The following ADAMTSL3 variants were observed in gnomAD, a reference collection of about 807,000 sequenced individuals.
The protein encoded by ADAMTSL3 is ADAMTS-like protein 3.
Under a neutral mutation model 201.7 loss-of-function variants are expected in ADAMTSL3, and 128 were observed. That is an observed-to-expected ratio of 0.63 (90% CI 0.55 to 0.73). The LOEUF is 0.73. Ranked by LOEUF, ADAMTSL3 falls within the 30% of genes least tolerant of loss-of-function variation. ADAMTSL3 has a pLI of 0.00. For missense variants in ADAMTSL3, 1,990 were observed against 2,119.6 expected (o/e 0.94, Z 1.20); for synonymous variants, 738 against 748.4 (o/e 0.99, Z 0.23).
At chr15:83,993,282 C>A (rs1467297504) in intron 23 of ADAMTSL3, among the ~76,000 whole-genome samples, 1 of 152,152 alleles carries the variant, frequency 6.6e-6, no homozygotes, top group Non-Finnish European at 1.5e-5. Flanking sequence ...TATCTTTCTT[C>A]CCTCATCTCT....
chr15:83,884,015 C>A (rs1053104155), intron 9 of ADAMTSL3, among the ~76,000 whole-genome samples: 7 of 151,650 alleles, frequency 4.6e-5, no homozygotes, highest in Non-Finnish European at 8.8e-5. Flanking sequence ...GCCTCAGCCT[C>A]CTGAGTAGCT....
At chr15:84,009,795 G>A (rs1417819958) in intron 23 of ADAMTSL3, among the ~76,000 whole-genome samples, 1 of 152,214 alleles carries the variant, frequency 6.6e-6, no homozygotes, top group African/African-American at 2.4e-5. Flanking sequence ...CAGGGCCAAG[G>A]TACTTGCTGT....
intron 15 of ADAMTSL3, among the ~76,000 whole-genome samples, chr15:83,906,734 A>C (rs1381730958): frequency 6.6e-6 from 1 of 150,574 alleles, no homozygotes; most frequent in Admixed American, 6.7e-5. Flanking sequence ...TTTTCAGTTA[A>C]TTTTAGTACT....
chr15:83,881,743 T>C (rs1282103013), intron 9 of ADAMTSL3, among the ~76,000 whole-genome samples: 3 of 151,988 alleles, frequency 2.0e-5, no homozygotes, highest in Admixed American at 6.6e-5. Flanking sequence ...TAATCACAGC[T>C]ACTCAGGAGG....
intron 5 of ADAMTSL3, among the ~76,000 whole-genome samples, chr15:83,813,634 T>C (rs1266059029): frequency 6.6e-6 from 1 of 152,178 alleles, no homozygotes; most frequent in Non-Finnish European, 1.5e-5. Flanking sequence ...GTTCAGTGGC[T>C]CTCCTCAGGT....
intron 3 of ADAMTSL3, among the ~76,000 whole-genome samples, chr15:83,772,098 C>T (rs2062993506): frequency 6.6e-6 from 1 of 152,148 alleles, no homozygotes; most frequent in South Asian, 2.1e-4. Flanking sequence ...AGGAAATCTA[C>T]CCACCTTGGC....
chr15:84,006,243 A>G (rs2067892237), intron 23 of ADAMTSL3, among the ~76,000 whole-genome samples: 1 of 152,194 alleles, frequency 6.6e-6, no homozygotes, highest in African/African-American at 2.4e-5. Context: ...TAAATTGGCA[A>G]CATCATTTCT....
At chr15:83,960,633 G>C (rs112991573) in intron 19 of ADAMTSL3, among the ~76,000 whole-genome samples, 4 of 152,152 alleles carry the variant, frequency 2.6e-5, no homozygotes, top group Admixed American at 2.0e-4. Flanking sequence ...AAAGAAGGAG[G>C]GGGGAGGGGC....
chr15:83,952,842 C>T (rs1345860643), intron 19 of ADAMTSL3, among the ~76,000 whole-genome samples: 1 of 151,872 alleles, frequency 6.6e-6, no homozygotes. Context: ...TTGTTATATC[C>T]CCTTGCTGAA....
chr15:83,990,720 G>C (rs1460402867), intron 22 of ADAMTSL3, among the ~76,000 whole-genome samples: 1 of 151,920 alleles, frequency 6.6e-6, no homozygotes, highest in Non-Finnish European at 1.5e-5. Flanking sequence ...CATCATTCCT[G>C]CTCTGCCTGT....
chr15:83,760,423 A>T (rs1467913988), intron 3 of ADAMTSL3, among the ~76,000 whole-genome samples: 1 of 152,148 alleles, frequency 6.6e-6, no homozygotes, highest in African/African-American at 2.4e-5. Context: ...GATCATGATA[A>T]ATGTTTATAA....
At chr15:83,669,872 A>C (rs960602286) in intron 2 of ADAMTSL3, among the ~76,000 whole-genome samples, 5 of 151,900 alleles carry the variant, frequency 3.3e-5, no homozygotes, top group Non-Finnish European at 7.4e-5. Context: ...TACTCTCACA[A>C]CCCTCATAAA....
intron 7 of ADAMTSL3, among the ~76,000 whole-genome samples, chr15:83,841,790 C>T (rs531771972): frequency 6.6e-6 from 1 of 151,950 alleles, no homozygotes; most frequent in East Asian, 2.0e-4. Context: ...GTTGCATTTT[C>T]CAAGGCCACT....
chr15:83,670,943 C>G (rs1216984482), intron 2 of ADAMTSL3, among the ~76,000 whole-genome samples: 1 of 152,204 alleles, frequency 6.6e-6, no homozygotes. Flanking sequence ...CATATTCTTT[C>G]ACTCCTTTGA....
At chr15:84,027,688 C>T (rs377545891) in intron 27 of ADAMTSL3, among the ~76,000 whole-genome samples, 5 of 151,284 alleles carry the variant, frequency 3.3e-5, no homozygotes, top group Admixed American at 6.6e-5. Context: ...CCAGCCTGGG[C>T]GACAGAGCGA....
At chr15:83,741,033 A>G (rs1366157608) in intron 3 of ADAMTSL3, among the ~76,000 whole-genome samples, 1 of 152,070 alleles carries the variant, frequency 6.6e-6, no homozygotes, top group Non-Finnish European at 1.5e-5. Flanking sequence ...TGTATTTCCT[A>G]TGTAATATTA....
intron 2 of ADAMTSL3, among the ~76,000 whole-genome samples, chr15:83,704,004 A>AAG: frequency 1.9e-4 from 1 of 5,314 alleles, no homozygotes. Flanking sequence ...CTCCTTTGCC[A>AAG]AAAAAAAAAA....
intron 5 of ADAMTSL3, among the ~76,000 whole-genome samples, chr15:83,812,175 T>C (rs1366141679): frequency 1.3e-5 from 2 of 152,180 alleles, no homozygotes; most frequent in African/African-American, 4.8e-5. Context: ...CTTTATTAAT[T>C]GGGGGCTCAA....
intron 8 of ADAMTSL3, among the ~76,000 whole-genome samples, chr15:83,863,956 A>T (rs1035889004): frequency 6.6e-6 from 1 of 152,230 alleles, no homozygotes; most frequent in African/African-American, 2.4e-5. Flanking sequence ...ACAGAAATAC[A>T]AACTACCATC....
Sources: gnomAD v4.1 joint callset for allele counts (sites outside exome capture counted in the v4.1 genomes callset) on GRCh38, gnomAD v4.1.1 for gene constraint, MANE v1.5 for transcripts, NCBI Gene and HGNC (gene_info 2026-07-23, HGNC 2026-07-21) for gene names.